ETV6: variants seen among roughly 807,000 people sequenced by gnomAD.
ETV6 encodes the protein transcription factor ETV6.
ETV6 carries 16 observed loss-of-function variants against 51.1 expected under a neutral mutation model. That is an observed-to-expected ratio of 0.31 (90% CI 0.21 to 0.48). ETV6 has a LOEUF of 0.48. ETV6 is among the 20% of genes least tolerant of loss of function. The pLI is 0.99. For synonymous variants in ETV6, 240 were observed against 224.1 expected (o/e 1.07, Z -0.64); for missense variants, 458 against 594.8 (o/e 0.77, Z 2.39).
At chr12:11,664,025 T>G (rs1864149622) in intron 1 of ETV6, among the ~76,000 whole-genome samples, 1 of 152,212 alleles carries the variant, frequency 6.6e-6, no homozygotes, top group African/African-American at 2.4e-5. Context: ...TGTACTTGGA[T>G]GAATAGGTAA....
Position 11,757,435 on chromosome 12 carries a change from A to AG in ETV6, c.163+4856_163+4857insG, listed in dbSNP as rs200666431. Reference sequence around the variant, plus strand: ...CACATTATGTTTGTTCCCAAAAAAAAAGAGGCAAAATTGGGAGCTGAACGT... The same window carrying AG: ...CACATTATGTTTGTTCCCAAAAAAAAGAGAGGCAAAATTGGGAGCTGAACGT... On this transcript the variant is annotated intron_variant, in intron 2 of 7. Transcript: ENST00000396373. Among the ~76,000 whole-genome samples, 6 of 152,012 alleles carry AG rather than the reference A, an allele frequency of 3.9e-5. No homozygotes were observed. The East Asian group carries it at 1.2e-3, about 29-fold the overall frequency.
intron 1 of ETV6, among the ~76,000 whole-genome samples, chr12:11,745,487 A>G (rs1865890771): frequency 6.6e-6 from 1 of 152,226 alleles, no homozygotes; most frequent in African/African-American, 2.4e-5. Flanking sequence ...ATTTGAAGAC[A>G]TCTCCGAGAA....
chr12:11,846,365 C>T (rs1946463992), intron 3 of ETV6, among the ~76,000 whole-genome samples: 1 of 152,166 alleles, frequency 6.6e-6, no homozygotes, highest in Non-Finnish European at 1.5e-5. Context: ...CAAATCATCA[C>T]CTGAAAAATG....
chr12:11,690,310 C>A (rs144341204), intron 1 of ETV6, among the ~76,000 whole-genome samples: 5 of 151,924 alleles, frequency 3.3e-5, no homozygotes, highest in Non-Finnish European at 7.4e-5. Context: ...TGCTTTGTAT[C>A]GATTCCGGCA....
chr12:11,887,485 C>T (rs749855150), intron 7 of ETV6, among the ~76,000 whole-genome samples: 2 of 151,988 alleles, frequency 1.3e-5, no homozygotes, highest in Non-Finnish European at 2.9e-5. Context: ...CATGATGGCT[C>T]ACACCTGTAA....
chr12:11,858,913 G>A (rs563028770), intron 4 of ETV6, among the ~76,000 whole-genome samples: 2 of 152,088 alleles, frequency 1.3e-5, no homozygotes, highest in South Asian at 2.1e-4. Context: ...ATAATTGAGA[G>A]AAGTCATTTC....
At position 11,869,442 on chromosome 12, in the gene ETV6, C is replaced by T. The variant is rs773362352; in HGVS notation, c.482C>T (p.Thr161Ile). Residue 161 changes from threonine to isoleucine, a missense_variant, in exon 5 of 8, where the codon ACC becomes ATC. Coordinates refer to ENST00000396373, the MANE Select transcript of ETV6 (RefSeq NM_001987.5). This position sits in a 1 kb window ranked among gnomAD's most constrained non-coding sequence, Gnocchi z 5.0. ...TCCACAGATAACTGTGTCCAGAGGA[C>T]CCCCAGGCCATCCGTGGATAATGTG... ...NHEEDNCVQR[T>I]PRPSVDNVHH... is the part of the protein sequence containing the mutation. The T allele has an allele frequency of 1.2e-6, 2 of 1,611,098 alleles. No individual in the cohort carries two copies. Among genetic ancestry groups the T allele is most frequent in the East Asian group, 2.2e-5 (1 of 44,860 alleles).
chr12:11,669,373 T>TCCCTCCCTCCATCCCTCCCTCCCTC (rs1864262418), intron 1 of ETV6, among the ~76,000 whole-genome samples: 6 of 129,338 alleles, frequency 4.6e-5, no homozygotes, highest in African/African-American at 1.6e-4. Context: ...CTTCCTCCCT[T>TCCCTCCCTCCATCCCTCCCTCCCTC]CCTCCCTCCC....
intron 1 of ETV6, among the ~76,000 whole-genome samples, chr12:11,734,646 A>G (rs1190930462): frequency 6.6e-6 from 1 of 152,068 alleles, no homozygotes; most frequent in Non-Finnish European, 1.5e-5. Flanking sequence ...TAAGCTTTTT[A>G]TGCTCCAGGC....
At chr12:11,753,486 G>C (rs1866078948) in intron 2 of ETV6, among the ~76,000 whole-genome samples, 1 of 152,208 alleles carries the variant, frequency 6.6e-6, no homozygotes, top group African/African-American at 2.4e-5. Flanking sequence ...CACAAGACTA[G>C]CTTATAGAGG....
chr12:11,796,308 C>T (rs907119797), intron 2 of ETV6, among the ~76,000 whole-genome samples: 5 of 152,212 alleles, frequency 3.3e-5, no homozygotes, highest in Non-Finnish European at 7.3e-5. Context: ...TAATCATCAT[C>T]TGGTCCTCGG....
intron 1 of ETV6, among the ~76,000 whole-genome samples, chr12:11,653,952 A>C (rs1734073212): frequency 6.6e-6 from 1 of 152,034 alleles, no homozygotes; most frequent in East Asian, 1.9e-4. Flanking sequence ...AGTTGGGATT[A>C]CAGGTGCCCG....
intron 3 of ETV6, among the ~76,000 whole-genome samples, chr12:11,841,206 C>A (rs1946385888): frequency 6.6e-6 from 1 of 152,200 alleles, no homozygotes; most frequent in South Asian, 2.1e-4. Flanking sequence ...GAGCTATGAA[C>A]AAAGATACGT....
chr12:11,765,584 G>A (rs1445160163), intron 2 of ETV6, among the ~76,000 whole-genome samples: 2 of 151,834 alleles, frequency 1.3e-5, no homozygotes, highest in African/African-American at 2.4e-5. Flanking sequence ...ATTCACTTCA[G>A]CACAGCTGCT....
At chr12:11,724,256 C>T (rs1415376261) in intron 1 of ETV6, among the ~76,000 whole-genome samples, 1 of 152,146 alleles carries the variant, frequency 6.6e-6, no homozygotes, top group Non-Finnish European at 1.5e-5. Flanking sequence ...GGGCTTACAG[C>T]AAGGTTTAAG....
chr12:11,856,362 T>C (rs976793614), intron 4 of ETV6, among the ~76,000 whole-genome samples: 4 of 152,202 alleles, frequency 2.6e-5, no homozygotes, highest in Admixed American at 2.6e-4. Context: ...TTAGCTCTGC[T>C]TCAGACCCAG....
chr12:11,863,163 A>G (rs372542528), intron 4 of ETV6, among the ~76,000 whole-genome samples: 15 of 152,318 alleles, frequency 9.8e-5, no homozygotes, highest in African/African-American at 3.4e-4. Flanking sequence ...AACTTTCACT[A>G]AAGGCAGTTT....
chr12:11,662,944 A>C (rs1384876999), intron 1 of ETV6, among the ~76,000 whole-genome samples: 1 of 152,190 alleles, frequency 6.6e-6, no homozygotes, highest in Non-Finnish European at 1.5e-5. Context: ...CTTGCTGCAC[A>C]CCAGCCAGGG....
intron 1 of ETV6, among the ~76,000 whole-genome samples, chr12:11,742,459 T>A (rs1865827374): frequency 6.6e-6 from 1 of 152,212 alleles, no homozygotes; most frequent in Non-Finnish European, 1.5e-5. Flanking sequence ...AAGGTGATTA[T>A]GACTTCTGGA....
Sources: gnomAD v4.1 joint callset for allele counts (sites outside exome capture counted in the v4.1 genomes callset) on GRCh38, gnomAD v4.1.1 for gene constraint, Gnocchi (gnomAD v3.1) non-coding constraint, MANE v1.5 for transcripts, NCBI Gene and HGNC (gene_info 2026-07-23, HGNC 2026-07-21) for gene names.